Variants in LRRC4C observed in about 807,000 individuals in gnomAD.
LRRC4C encodes leucine rich repeat containing 4C.
A neutral mutation model predicts 33.6 loss-of-function variants in LRRC4C; 5 were observed. The ratio of observed to expected loss-of-function variants is 0.15; its 90% CI spans 0.08 to 0.31. The LOEUF is 0.31. LRRC4C is among the 10% of genes least tolerant of loss of function. The probability of loss-of-function intolerance (pLI) is 1.00; values close to 1 mark genes in which losing one functional copy is unlikely to be tolerated. For synonymous variants in LRRC4C, 329 were observed against 302.0 expected, an observed-to-expected ratio of 1.09 and a Z score of -0.93; for missense variants, 560 against 796.7, an observed-to-expected ratio of 0.70 and a Z score of 3.58.
At chr11:40,800,220 C>A (rs991593899) in intron 2 of LRRC4C, among the ~76,000 whole-genome samples, 1 of 152,156 alleles carries the variant, frequency 6.6e-6, no homozygotes, top group African/African-American at 2.4e-5. Context: ...CCATGTGATG[C>A]AATGACTAAG....
In LRRC4C at chr11:40,871,155, GATGTTATCAATGAAA is replaced by G. The variant is rs561753642; in HGVS notation, c.-407+62465_-407+62479del. Among the ~76,000 whole-genome samples the G allele has an allele frequency of 5.4e-3, 826 of 152,218 alleles. 3 individuals carry two copies. The highest frequency in any genetic ancestry group is 7.2e-3 in the Non-Finnish European group (488 of 68,022). On this transcript the variant is annotated intron_variant, in intron 2 of 6. Transcript: ENST00000528697. ...TGCCTCAAACCCTGTCTCCTGATAA[GATGTTATCAATGAAA>G]ATGCGTGCCAGAAACTTCATTAGCA...
rs948104524 is a variant in LRRC4C at position 40,589,867 on chromosome 11, C to T, written c.-270+58275G>A. On this transcript the variant is annotated intron_variant, in intron 3 of 6. Coordinates refer to ENST00000528697, the MANE Select transcript of LRRC4C (RefSeq NM_001258419.2). ...GATCCGCTGTTAGTCTGATGGGCTT[C>T]CCTTTGAGGGTAACCCGACCTTTCT... Among the ~76,000 whole-genome samples the T allele has an allele frequency of 7.8e-4, 117 of 149,732 alleles. 1 individual carries two copies. The highest frequency in any genetic ancestry group is 1.7e-3 in the Admixed American group (25 of 14,994).
At chr11:40,461,992 G>T (rs1161076628) in intron 3 of LRRC4C, among the ~76,000 whole-genome samples, 2 of 151,754 alleles carry the variant, frequency 1.3e-5, no homozygotes, top group Non-Finnish European at 2.9e-5. Context: ...AAGACTAGGT[G>T]GTCCATTTGT....
intron 5 of LRRC4C, among the ~76,000 whole-genome samples, chr11:40,229,688 T>C (rs1865064937): frequency 6.6e-6 from 1 of 152,204 alleles, no homozygotes; most frequent in Admixed American, 6.5e-5. Flanking sequence ...TTCCAATATA[T>C]TTTCCTTAGG....
chr11:41,454,575 G>GT (rs2138674559), intron 1 of LRRC4C, among the ~76,000 whole-genome samples: 2 of 152,202 alleles, frequency 1.3e-5, no homozygotes, highest in African/African-American at 4.8e-5. Context: ...TCTGAATTGT[G>GT]TTTCTGCAAC....
At chr11:40,460,954 C>T (rs1459902549) in intron 3 of LRRC4C, among the ~76,000 whole-genome samples, 1 of 152,124 alleles carries the variant, frequency 6.6e-6, no homozygotes, top group African/African-American at 2.4e-5. Context: ...TTTCTCCTTC[C>T]ACTGTCTTGC....
At chr11:40,189,559 A>G (rs773387040) in intron 5 of LRRC4C, among the ~76,000 whole-genome samples, 6 of 152,238 alleles carry the variant, frequency 3.9e-5, no homozygotes, top group Non-Finnish European at 8.8e-5. Context: ...AAACATAATT[A>G]GCAACGGGCT....
chr11:40,179,337 A>G (rs1300866696), intron 5 of LRRC4C, among the ~76,000 whole-genome samples: 1 of 152,072 alleles, frequency 6.6e-6, no homozygotes, highest in African/African-American at 2.4e-5. Context: ...TTTAAATTAT[A>G]CTAATTTGTG....
rs926977435 is a variant in LRRC4C, at chr11:40,637,235, C to G, written c.-270+10907G>C. ...CATCTGCCTCTTCTAATATTTTAAG[C>G]TAATTAAAAAAAAATTACCCCCTCC... On this transcript the variant is annotated intron_variant, in intron 3 of 6. Coordinates refer to ENST00000528697, the MANE Select transcript of LRRC4C (RefSeq NM_001258419.2). 2.0e-5 allele frequency among the ~76,000 whole-genome samples: 3 copies of G among 152,028 alleles called. No homozygotes were observed. The East Asian group carries it at 5.8e-4, about 29-fold the overall frequency.
chr11:41,451,795 G>C (rs909340239), intron 1 of LRRC4C, among the ~76,000 whole-genome samples: 1 of 152,106 alleles, frequency 6.6e-6, no homozygotes, highest in African/African-American at 2.4e-5. Flanking sequence ...ATGCTTAATA[G>C]TAGTCCAGGT....
At chr11:40,973,757 G>A (rs563504314) in intron 1 of LRRC4C, among the ~76,000 whole-genome samples, 1 of 151,908 alleles carries the variant, frequency 6.6e-6, no homozygotes, top group Admixed American at 6.6e-5. Context: ...TAACTAGACT[G>A]GTTTTTAATT....
At chr11:40,122,883 TATAG>T (rs1170526139) in intron 6 of LRRC4C, among the ~76,000 whole-genome samples, 3 of 149,744 alleles carry the variant, frequency 2.0e-5, no homozygotes, top group Non-Finnish European at 4.4e-5. Flanking sequence ...AATATATATA[TATAG>T]ATAGATATAG....
chr11:40,682,178 G>T (rs1156365629), intron 2 of LRRC4C, among the ~76,000 whole-genome samples: 1 of 151,790 alleles, frequency 6.6e-6, no homozygotes, highest in East Asian at 1.9e-4. Flanking sequence ...GCTGAGGTGG[G>T]AGAATCACCT....
At chr11:40,670,765 T>C (rs918459662) in intron 2 of LRRC4C, among the ~76,000 whole-genome samples, 7 of 152,102 alleles carry the variant, frequency 4.6e-5, no homozygotes, top group Admixed American at 3.3e-4. Context: ...TGTTTGTTTG[T>C]TTTTGTTTTT....
intron 2 of LRRC4C, among the ~76,000 whole-genome samples, chr11:40,775,644 G>A (rs1016010968): frequency 2.6e-5 from 4 of 152,132 alleles, no homozygotes; most frequent in Admixed American, 2.6e-4. Flanking sequence ...TAAACTTACT[G>A]AAGTTGTTTT....
chr11:40,213,324 C>T (rs749705015), intron 5 of LRRC4C, among the ~76,000 whole-genome samples: 13 of 152,098 alleles, frequency 8.5e-5, no homozygotes, highest in Non-Finnish European at 1.6e-4. Flanking sequence ...TGGTATTTGG[C>T]TAACATGATG....
At chr11:40,526,686 G>C (rs1956064696) in intron 3 of LRRC4C, among the ~76,000 whole-genome samples, 1 of 152,018 alleles carries the variant, frequency 6.6e-6, no homozygotes, top group South Asian at 2.1e-4. Context: ...ACTGTATCTA[G>C]GTATAAGCCC....
Position 40,316,793 on chromosome 11 carries a change from T to C in LRRC4C, c.-176+2835A>G, listed in dbSNP as rs540422831. On this transcript the variant is annotated intron_variant, in intron 4 of 6. Transcript: ENST00000528697. ...TTAGAATGCTTTCACTATGATGTGA[T>C]TTGGTTAAGCTGTGATTTATGGGTG... 3.3e-5 allele frequency among the ~76,000 whole-genome samples: 5 copies of C among 152,050 alleles called. No individual in the cohort carries two copies. In the South Asian group the frequency reaches 1.0e-3, roughly 32 times the overall value.
rs994230402 is a variant in LRRC4C at position 40,291,530 on chromosome 11, T to C, written c.-176+28098A>G. 7.2e-5 allele frequency among the ~76,000 whole-genome samples: 11 copies of C among 152,282 alleles called. No individual in the cohort carries two copies. In the East Asian group the frequency reaches 2.1e-3, roughly 29 times the overall value. ...GTCCTCAGTTAGAAGGGGGTGGAGT[T>C]GGAGAGAAGTAGGTCCTCCTTGTTT... On this transcript the variant is annotated intron_variant, in intron 4 of 6. Transcript: ENST00000528697.
Sources: gnomAD v4.1 joint callset for allele counts (sites outside exome capture counted in the v4.1 genomes callset) on GRCh38, gnomAD v4.1.1 for gene constraint, MANE v1.5 for transcripts, NCBI Gene and HGNC (gene_info 2026-07-23, HGNC 2026-07-21) for gene names.